EML6: variants seen among roughly 807,000 people sequenced by gnomAD.
EML6 encodes the protein echinoderm microtubule-associated protein-like 6.
EML6 carries 154 observed loss-of-function variants against 240.1 expected under a neutral mutation model. The ratio of observed to expected loss-of-function variants is 0.64; its 90% CI spans 0.56 to 0.73. The LOEUF is 0.73. Among genes scored for constraint, EML6 ranks in the 30% least tolerant of loss-of-function variants. EML6 has a pLI of 0.00. For synonymous variants in EML6, 1,148 were observed against 899.0 expected (o/e 1.28, Z -4.95); for missense variants, 2,964 against 2,474.6 (o/e 1.20, Z -4.20).
At chr2:54,903,259 G>A in intron 23 of EML6, 63 bp downstream of exon 23, 2 of 1,524,662 alleles carry the variant, frequency 1.3e-6, no homozygotes, top group Non-Finnish European at 1.8e-6. Flanking sequence ...TTACAAGAAT[G>A]AACTATTTCA....
Position 54,853,720 on chromosome 2 carries a change from G to A in EML6, c.1522G>A (p.Val508Met). The A allele has an allele frequency of 6.4e-7, 1 of 1,551,664 alleles. No individual in the cohort carries two copies. Among genetic ancestry groups the A allele is most frequent in the Non-Finnish European group, 8.7e-7 (1 of 1,146,942 alleles). Residue 508 changes from valine to methionine, a missense_variant, in exon 11 of 42, where the codon GTG (valine) becomes ATG (methionine). Physicochemically the swap from Val to Met is conservative, Grantham distance 21. Transcript: ENST00000356458. ...ASWTCVKGPE[V>M]SGIWPKYTEV... ...CTGGACATGCGTGAAAGGCCCTGAA[G>A]TGAGTGGAATTTGGCCCAAATACAC...
intron 28 of EML6, among the ~76,000 whole-genome samples, 156 bp downstream of exon 28, chr2:54,928,907 A>G (rs1479838356): frequency 6.6e-6 from 1 of 152,164 alleles, no homozygotes; most frequent in African/African-American, 2.4e-5. Flanking sequence ...TTAAGCTGAG[A>G]AAAAATTGCA....
At position 54,850,222 on chromosome 2, in the gene EML6, A is replaced by C; in HGVS notation, c.1444+4A>C. ...CGATTGTTCTACAGAATGCCATGTA[A>C]GTCATGTGGAGGCCTTGGATGTTTC... On this transcript the variant is annotated splice_donor_region_variant and intron_variant, in intron 10 of 41. Transcript: ENST00000356458. 1 of 1,549,958 alleles carries C rather than the reference A, an allele frequency of 6.5e-7. No individual in the cohort carries two copies. Among genetic ancestry groups the C allele is most frequent in the East Asian group, 2.4e-5 (1 of 40,892 alleles).
rs1682797858 is a variant in EML6, at chr2:54,724,042, G to A, written c.-514+265G>A. Among the ~76,000 whole-genome samples the A allele has an allele frequency of 6.6e-6, 1 of 152,196 alleles. No homozygotes were observed. Among genetic ancestry groups the A allele is most frequent in the Admixed American group, 6.5e-5 (1 of 15,288 alleles). ...CCGGTGTTTAGCGCAGAGGTTTCTG[G>A]GGAGAAGTACACGATTTTTGCCACT... On this transcript the variant is annotated intron_variant, in intron 1 of 41. Transcript: ENST00000356458. This position sits in a 1 kb window ranked among gnomAD's most constrained non-coding sequence, Gnocchi z 5.2.
In EML6 at chr2:54,725,578, C is replaced by T. The variant is rs1231804306; in HGVS notation, c.197+320C>T. On this transcript the variant is annotated intron_variant, in intron 2 of 41. Coordinates refer to ENST00000356458, the MANE Select transcript of EML6 (RefSeq NM_001039753.4). This position sits in a 1 kb window ranked among gnomAD's most constrained non-coding sequence, Gnocchi z 4.3. Reference sequence around the variant, plus strand: ...AAGGAGCCTGGGTAACTATGAAACACTTCTTCCTTCCCTAACCAGGTGCAC... The same window carrying T: ...AAGGAGCCTGGGTAACTATGAAACATTTCTTCCTTCCCTAACCAGGTGCAC... Among the ~76,000 whole-genome samples the T allele has an allele frequency of 6.6e-6, 1 of 152,200 alleles. No homozygotes were observed. The highest frequency in any genetic ancestry group is 1.5e-5 in the Non-Finnish European group (1 of 68,050).
Position 54,886,484 on chromosome 2 carries a change from A to G in EML6, c.2439-4570A>G, listed in dbSNP as rs534610497. 5.7e-4 allele frequency among the ~76,000 whole-genome samples: 87 copies of G among 152,068 alleles called. No homozygotes were observed. The Middle Eastern group carries it at 0.014, about 24-fold the overall frequency. On this transcript the variant is annotated intron_variant, in intron 17 of 41. Coordinates refer to ENST00000356458, the MANE Select transcript of EML6 (RefSeq NM_001039753.4). Reference sequence around the variant, plus strand: ...CGCGTCTGGCCTCTTTCTTTCTTCTATTATTCAGCTTCATCTTTTACATTT... The same window carrying G: ...CGCGTCTGGCCTCTTTCTTTCTTCTGTTATTCAGCTTCATCTTTTACATTT...
rs115961664 is a variant in EML6, at chr2:54,912,081, A to C, written c.3498+1039A>C. On this transcript the variant is annotated intron_variant, in intron 25 of 41. Coordinates refer to ENST00000356458, the MANE Select transcript of EML6 (RefSeq NM_001039753.4). The stretch of plus-strand genomic sequence containing the variant: ...CCTCGCTTCAGTTTGCCAGTATCTT[A>C]AACTGTCCCAGTATTGTAAGGTTCT... 5.3e-3 allele frequency among the ~76,000 whole-genome samples: 810 copies of C among 152,376 alleles called. 8 individuals carry two copies. Among genetic ancestry groups the C allele is most frequent in the African/African-American group, 0.018 (763 of 41,584 alleles).
chr2:54,844,784 G>T (rs188081940), intron 8 of EML6, among the ~76,000 whole-genome samples: 9 of 152,324 alleles, frequency 5.9e-5, no homozygotes, highest in African/African-American at 1.9e-4. Flanking sequence ...GGAGCCTCCA[G>T]CTTTCTTGCT....
At chr2:54,820,511 T>C (rs1211744519) in intron 5 of EML6, 49 bp downstream of exon 5, 2 of 1,117,920 alleles carry the variant, frequency 1.8e-6, no homozygotes, top group East Asian at 5.2e-5. Context: ...CAAATAATTT[T>C]AGGTGTTTGT....
At chr2:54,850,247 C>G in intron 10 of EML6, 29 bp downstream of exon 10, 1 of 1,539,830 alleles carries the variant, frequency 6.5e-7, no homozygotes, top group East Asian at 2.5e-5. Context: ...TTGGATGTTT[C>G]TGGAAAGCAA....
intron 14 of EML6, chr2:54,867,603 A>G (rs960678056): frequency 1.3e-5 from 2 of 152,232 alleles, no homozygotes; most frequent in African/African-American, 2.4e-5. Context: ...AAAACTAGCC[A>G]GATGTGGTGG....
intron 15 of EML6, among the ~76,000 whole-genome samples, chr2:54,870,853 C>CT (rs1671220552): frequency 6.6e-6 from 1 of 152,176 alleles, no homozygotes; most frequent in Non-Finnish European, 1.5e-5. Flanking sequence ...ATGCCTATGG[C>CT]TTTATCTCCC....
intron 2 of EML6, among the ~76,000 whole-genome samples, chr2:54,726,527 C>G (rs568197133): frequency 6.6e-5 from 10 of 151,618 alleles, no homozygotes; most frequent in African/African-American, 2.4e-4. Flanking sequence ...TTTAAAAAAT[C>G]TTGACTTTTT....
At chr2:54,788,707 G>A (rs551620955) in intron 2 of EML6, among the ~76,000 whole-genome samples, 2 of 152,288 alleles carry the variant, frequency 1.3e-5, no homozygotes, top group South Asian at 4.1e-4. Context: ...GGAAATTCCT[G>A]TTGTTTTGGT....
At chr2:54,886,817 G>A (rs1272738798) in intron 17 of EML6, among the ~76,000 whole-genome samples, 1 of 152,100 alleles carries the variant, frequency 6.6e-6, no homozygotes, top group East Asian at 1.9e-4. Flanking sequence ...TCAGATATAT[G>A]ATTTGCAAAT....
intron 35 of EML6, among the ~76,000 whole-genome samples, chr2:54,960,738 G>A (rs553815200): frequency 5.3e-5 from 8 of 152,304 alleles, no homozygotes; most frequent in African/African-American, 1.9e-4. Context: ...CAGTAAGGAG[G>A]AGGGTAAGGG....
chr2:54,928,456 C>G lies in EML6; in HGVS notation c.3819C>G (p.Thr1273=), dbSNP rs1558695852. ...LMIWTREFVG[T]QESKLVDSEE... The stretch of plus-strand genomic sequence containing the variant: ...TCTGGACCAGGGAGTTTGTGGGGAC[C>G]CAGGAGAGCAAGCTGGTGGACAGCG... The change falls in exon 27 of 42, where the codon ACC becomes ACG. Residue 1273 remains threonine (T), a synonymous_variant. Coordinates refer to ENST00000356458, the MANE Select transcript of EML6 (RefSeq NM_001039753.4). 6.5e-7 allele frequency: 1 copy of G among 1,549,836 alleles called. No individual in the cohort carries two copies.
chr2:54,832,914 A>G (rs780212391), intron 7 of EML6, among the ~76,000 whole-genome samples: 61 of 152,346 alleles, frequency 4.0e-4, no homozygotes, highest in Non-Finnish European at 7.2e-4. Flanking sequence ...CAGTTTGGAC[A>G]TGACAGTTTT....
Position 54,910,944 on chromosome 2 carries a change from G to C in EML6, c.3410-10G>C, listed in dbSNP as rs576496031. On this transcript the variant is annotated splice_polypyrimidine_tract_variant and intron_variant, in intron 24 of 41. Coordinates refer to ENST00000356458, the MANE Select transcript of EML6 (RefSeq NM_001039753.4). ...TTTAATTATCTCTCTACTTCGTTCTGTCGTAACAGGAAAATTATTGCAAGT... is the reference window on the plus strand; with the variant it reads ...TTTAATTATCTCTCTACTTCGTTCTCTCGTAACAGGAAAATTATTGCAAGT... The C allele has an allele frequency of 6.7e-7, 1 of 1,491,418 alleles. No homozygotes were observed. The highest frequency in any genetic ancestry group is 9.1e-7 in the Non-Finnish European group (1 of 1,095,718). 92.4% of individuals were successfully genotyped at this position (1,491,418 alleles called of 1,614,324 possible). A position where few individuals can be genotyped will look rare whatever the true frequency, so the allele number is the denominator to read the frequency against.
Sources: gnomAD v4.1 joint callset for allele counts (sites outside exome capture counted in the v4.1 genomes callset) on GRCh38, gnomAD v4.1.1 for gene constraint, Gnocchi (gnomAD v3.1) non-coding constraint, MANE v1.5 for transcripts, NCBI Gene and HGNC (gene_info 2026-07-23, HGNC 2026-07-21) for gene names.